TAFA1: variants seen among roughly 807,000 people sequenced by gnomAD.
TAFA1 encodes TAFA chemokine like family member 1.
In TAFA1, 4 loss-of-function variants were observed where a neutral mutation model predicts 18.5. The observed-to-expected ratio is 0.22, with a 90% CI of 0.11 to 0.49. The LOEUF (loss-of-function observed/expected upper bound fraction) is 0.49, where lower values mean the gene tolerates loss of function less well. Among genes scored for constraint, TAFA1 ranks in the 20% least tolerant of loss-of-function variants. TAFA1 has a pLI of 0.98. For missense variants in TAFA1, 147 were observed against 169.0 expected (o/e 0.87, Z 0.72); for synonymous variants, 56 against 55.2 (o/e 1.01, Z -0.06).
At chr3:68,467,028 G>A (rs1276770911) in intron 3 of TAFA1, among the ~76,000 whole-genome samples, 1 of 151,978 alleles carries the variant, frequency 6.6e-6, no homozygotes, top group Admixed American at 6.6e-5. Context: ...TTCCTTACTG[G>A]GGAAAGAATT....
At chr3:68,465,344 T>C (rs2071867606) in intron 3 of TAFA1, among the ~76,000 whole-genome samples, 2 of 152,156 alleles carry the variant, frequency 1.3e-5, no homozygotes, top group Non-Finnish European at 2.9e-5. Flanking sequence ...CTGAGTCTGT[T>C]GAGCATCAAA....
chr3:68,361,687 A>G (rs148036967), intron 2 of TAFA1, among the ~76,000 whole-genome samples: 2 of 152,078 alleles, frequency 1.3e-5, no homozygotes, highest in African/African-American at 2.4e-5. Flanking sequence ...GTAACCCAAC[A>G]GAACTGGGTA....
intron 3 of TAFA1, among the ~76,000 whole-genome samples, chr3:68,490,634 C>T (rs1559691336): frequency 1.3e-5 from 2 of 152,018 alleles, no homozygotes; most frequent in Non-Finnish European, 1.5e-5. Flanking sequence ...AAATAAGCCA[C>T]TCTTCTTGCT....
chr3:68,485,356 A>T (rs2072316546), intron 3 of TAFA1, among the ~76,000 whole-genome samples: 1 of 152,208 alleles, frequency 6.6e-6, no homozygotes, highest in Non-Finnish European at 1.5e-5. Flanking sequence ...ATGTGTTAAC[A>T]GTGGCCTAAA....
At chr3:68,269,006 T>C (rs752976951) in intron 2 of TAFA1, among the ~76,000 whole-genome samples, 3 of 152,146 alleles carry the variant, frequency 2.0e-5, no homozygotes, top group African/African-American at 7.2e-5. Flanking sequence ...CCTTCCTTCA[T>C]TCCTCCCTTC....
intron 2 of TAFA1, among the ~76,000 whole-genome samples, chr3:68,052,364 A>G (rs1013949856): frequency 1.3e-5 from 2 of 152,048 alleles, no homozygotes; most frequent in Non-Finnish European, 2.9e-5. Flanking sequence ...TGGTACTCAA[A>G]TTTCACCTAG....
intron 2 of TAFA1, among the ~76,000 whole-genome samples, chr3:68,348,569 A>C (rs115798242): frequency 1.3e-5 from 2 of 152,258 alleles, no homozygotes; most frequent in African/African-American, 4.8e-5. Context: ...CAGATGTTAG[A>C]GGAGGGAACA....
intron 2 of TAFA1, among the ~76,000 whole-genome samples, chr3:68,208,824 C>T (rs1220610748): frequency 1.3e-5 from 2 of 151,972 alleles, no homozygotes; most frequent in East Asian, 1.9e-4. Context: ...AAGATGCCCC[C>T]AAGGTTCTCA....
intron 2 of TAFA1, among the ~76,000 whole-genome samples, chr3:68,040,437 A>G (rs1401480940): frequency 4.6e-5 from 7 of 152,166 alleles, no homozygotes; most frequent in Non-Finnish European, 1.0e-4. Context: ...AGTAGAGTCA[A>G]GAAACCTAGT....
At chr3:68,515,372 T>A (rs1429777917) in intron 3 of TAFA1, among the ~76,000 whole-genome samples, 1 of 152,204 alleles carries the variant, frequency 6.6e-6, no homozygotes, top group African/African-American at 2.4e-5. Flanking sequence ...CATAGCTATT[T>A]GTTTTTTCCA....
At position 68,084,894 on chromosome 3, in the gene TAFA1, A is replaced by C. The variant is rs570377553; in HGVS notation, c.118+78150A>C. 4.6e-5 allele frequency among the ~76,000 whole-genome samples: 7 copies of C among 151,576 alleles called. 1 individual carries two copies. The South Asian group carries it at 1.5e-3, about 32-fold the overall frequency. ...TTCTCTCCTATACTCTTTACTCTTT[A>C]GTTCTTTGTACTTTTGTTGCAGCAC... is the stretch of plus-strand genomic sequence containing the variant. On this transcript the variant is annotated intron_variant, in intron 2 of 4. Transcript: ENST00000478136.
intron 2 of TAFA1, among the ~76,000 whole-genome samples, chr3:68,318,123 C>A (rs1192828933): frequency 1.3e-5 from 2 of 152,066 alleles, no homozygotes; most frequent in Middle Eastern, 3.2e-3. Flanking sequence ...TGTTGCCAAC[C>A]AGTTTGTCAG....
At chr3:68,134,487 T>G (rs1200332503) in intron 2 of TAFA1, among the ~76,000 whole-genome samples, 1 of 152,176 alleles carries the variant, frequency 6.6e-6, no homozygotes, top group Non-Finnish European at 1.5e-5. Context: ...AAATTTAATT[T>G]TGGGTTCTTG....
At chr3:68,448,246 G>A (rs2055849) in intron 3 of TAFA1, among the ~76,000 whole-genome samples, 105,607 of 152,116 alleles carry the variant, frequency 0.69, 36,880 homozygotes, top group East Asian at 0.8. Flanking sequence ...TAATGTTTTT[G>A]AATGCATAAA....
intron 2 of TAFA1, among the ~76,000 whole-genome samples, chr3:68,057,882 A>C (rs768610562): frequency 1.3e-5 from 2 of 152,174 alleles, no homozygotes; most frequent in African/African-American, 2.4e-5. Flanking sequence ...AAGCTAGAGA[A>C]GGCAAACAAT....
In TAFA1 at chr3:68,145,349, C is replaced by A. The variant is rs536843676; in HGVS notation, c.118+138605C>A. 1.0e-5 allele frequency: 8 copies of A among 803,404 alleles called. No homozygotes were observed. The African/African-American group carries it at 1.3e-4, about 14-fold the overall frequency. 49.8% of individuals were successfully genotyped at this position (803,404 alleles called of 1,614,324 possible). ...AGCACTTAGAGATGCAACAAGGAGA[C>A]GCACCTTTGCCCTGGTCTCTCAAGC... On this transcript the variant is annotated intron_variant, in intron 2 of 4. Coordinates refer to ENST00000478136, the MANE Select transcript of TAFA1 (RefSeq NM_213609.4).
chr3:68,338,262 C>T (rs1309456441), intron 2 of TAFA1, among the ~76,000 whole-genome samples: 2 of 152,084 alleles, frequency 1.3e-5, no homozygotes. Context: ...AAAATAAATC[C>T]CTGTTCCAAA....
rs554280036 is a variant in TAFA1, at chr3:68,238,217, G to A, written c.119-179063G>A. 2.6e-5 allele frequency among the ~76,000 whole-genome samples: 4 copies of A among 152,224 alleles called. No homozygotes were observed. In the East Asian group the frequency reaches 7.7e-4, roughly 29 times the overall value. ...GGGCCTGTACAAGTGTCCAAGAGGTGGTCTTTTGACATCAGAGGGCTGGTA... is the reference window on the plus strand; with the variant it reads ...GGGCCTGTACAAGTGTCCAAGAGGTAGTCTTTTGACATCAGAGGGCTGGTA... On this transcript the variant is annotated intron_variant, in intron 2 of 4. Transcript: ENST00000478136.
intron 3 of TAFA1, among the ~76,000 whole-genome samples, chr3:68,510,581 A>G (rs1166623729): frequency 6.6e-6 from 1 of 152,150 alleles, no homozygotes; most frequent in Non-Finnish European, 1.5e-5. Context: ...TCGGCTGCCT[A>G]TGTAGCCAAC....
Sources: allele counts gnomAD v4.1 joint callset (sites outside exome capture counted in the v4.1 genomes callset), GRCh38; gene constraint gnomAD v4.1.1; transcripts MANE v1.5; gene names NCBI Gene and HGNC (gene_info 2026-07-23, HGNC 2026-07-21).